The following TMEM243 variants were observed in gnomAD, a reference collection of about 807,000 sequenced individuals.
TMEM243 encodes MDR1 and mitochondrial taxol resistance associated.
TMEM243 carries 20 observed loss-of-function variants against 15.0 expected under a neutral mutation model. That is an observed-to-expected ratio of 1.33 (90% CI 0.94 to 1.93). The LOEUF is 1.93. Ranked by LOEUF, TMEM243 falls within the 30% of genes most tolerant of loss-of-function variation. The pLI, the probability that TMEM243 is intolerant of heterozygous loss-of-function variation, is 0.00. For missense variants in TMEM243, 156 were observed against 142.1 expected (o/e 1.10, Z -0.50); for synonymous variants, 72 against 52.7 (o/e 1.37, Z -1.59).
At chr7:87,198,389 A>G (rs771079666) in intron 2 of TMEM243, 9 of 217,654 alleles carry the variant, frequency 4.1e-5, no homozygotes, top group Admixed American at 5.4e-5. Flanking sequence ...CAAAATGAAT[A>G]TAATCAAAGC....
chr7:87,202,212 TAAG>T (rs974470754), intron 1 of TMEM243, among the ~76,000 whole-genome samples: 11 of 152,244 alleles, frequency 7.2e-5, no homozygotes, highest in African/African-American at 2.4e-4. Flanking sequence ...AGGAGGGCAC[TAAG>T]AAGACAGAAA....
chr7:87,219,249 C>A (rs1421857245), intron 1 of TMEM243, among the ~76,000 whole-genome samples, 177 bp downstream of exon 1: 1 of 152,192 alleles, frequency 6.6e-6, no homozygotes. Flanking sequence ...CCAACCATGT[C>A]CCAAAGCAGG....
At chr7:87,212,522 TTC>T (rs1233064054) in intron 1 of TMEM243, among the ~76,000 whole-genome samples, 3 of 152,200 alleles carry the variant, frequency 2.0e-5, no homozygotes, top group Non-Finnish European at 4.4e-5. Flanking sequence ...GACCATCAGC[TTC>T]TGAGAGACCA....
At chr7:87,202,049 A>C (rs1562878889) in intron 1 of TMEM243, among the ~76,000 whole-genome samples, 1 of 152,208 alleles carries the variant, frequency 6.6e-6, no homozygotes, top group Admixed American at 6.5e-5. Context: ...TTGTGTGCAT[A>C]CATACATGTA....
chr7:87,197,637 G>T, intron 3 of TMEM243: 1 of 1,031,024 alleles, frequency 9.7e-7, no homozygotes, highest in African/African-American at 1.7e-5. Context: ...GTCCTTGAGT[G>T]AAGATGAATT....
chr7:87,219,757 A>T, upstream of TMEM243: 1 of 518,022 alleles, frequency 1.9e-6, no homozygotes, highest in South Asian at 2.5e-5. Flanking sequence ...ACTGCGTGGC[A>T]GACTCTCAGC....
intron 2 of TMEM243, chr7:87,198,788 C>T (rs1253988225): frequency 2.1e-6 from 1 of 468,494 alleles, no homozygotes; most frequent in Non-Finnish European, 3.7e-6. Context: ...ACATGGTAAA[C>T]TCAATTATCT....
intron 2 of TMEM243, chr7:87,198,514 A>T (rs1369722848): frequency 1.2e-5 from 2 of 168,812 alleles, no homozygotes; most frequent in Non-Finnish European, 1.3e-5. Context: ...ATGGAAAAAA[A>T]TTCTCTTAAA....
At chr7:87,219,931 G>T (rs991848689), upstream of TMEM243, among the ~76,000 whole-genome samples, 2 of 152,166 alleles carry the variant, frequency 1.3e-5, no homozygotes, top group African/African-American at 4.8e-5. Flanking sequence ...CCCACACGTC[G>T]CCCCCCATTT....
intron 1 of TMEM243, among the ~76,000 whole-genome samples, chr7:87,200,843 G>A (rs998747876): frequency 6.6e-6 from 1 of 152,154 alleles, no homozygotes; most frequent in African/African-American, 2.4e-5. Flanking sequence ...ACAACCTAGA[G>A]TGCTAGTGCT....
intron 2 of TMEM243, 34 bp downstream of exon 2, chr7:87,198,973 G>T: frequency 1.3e-6 from 2 of 1,558,600 alleles, no homozygotes; most frequent in South Asian, 2.4e-5. Context: ...AACTGGCTAA[G>T]AGCCTGGGTG....
At position 87,196,705 on chromosome 7, in the gene TMEM243, G is replaced by A. The variant is rs765623504; in HGVS notation, c.288C>T (p.Tyr96=). 5.0e-6 allele frequency: 8 copies of A among 1,608,180 alleles called. No individual in the cohort carries two copies. Among genetic ancestry groups the A allele is most frequent in the Non-Finnish European group, 6.8e-6 (8 of 1,176,554 alleles). Residue 96 remains tyrosine (Y), a synonymous_variant, in exon 4 of 4, where the codon TAC becomes TAT. Transcript: ENST00000257637. The stretch of plus-strand genomic sequence containing the variant: ...ACATGATGATAGAAAATATGATATA[G>A]TAAATTAGCTTTCTAAATTTCGGTT... The part of the protein sequence containing the change: ...DLEPKFRKLI[Y]YIIFSIIMLC...
intron 1 of TMEM243, among the ~76,000 whole-genome samples, chr7:87,208,732 T>C (rs1802401635): frequency 6.6e-6 from 1 of 152,250 alleles, no homozygotes; most frequent in Non-Finnish European, 1.5e-5. Context: ...TTCAGCCCAA[T>C]GTTGCACTTT....
chr7:87,209,160 A>G (rs2129230834), intron 1 of TMEM243, among the ~76,000 whole-genome samples: 1 of 152,338 alleles, frequency 6.6e-6, no homozygotes, highest in East Asian at 1.9e-4. Flanking sequence ...ACTACTAGAA[A>G]GAACTACCTG....
chr7:87,198,823 C>G (rs1397375084), intron 2 of TMEM243, 184 bp downstream of exon 2: 1 of 548,404 alleles, frequency 1.8e-6, no homozygotes, highest in Non-Finnish European at 3.2e-6. Context: ...CTGACTTGTA[C>G]CATTTCACAT....
At chr7:87,219,326 G>T in intron 1 of TMEM243, 100 bp downstream of exon 1, 1 of 1,138,022 alleles carries the variant, frequency 8.8e-7, no homozygotes, top group Non-Finnish European at 1.3e-6. Flanking sequence ...CTCCCTAAAA[G>T]TGCTTTTAGG....
At chr7:87,209,770 G>A (rs1201394771) in intron 1 of TMEM243, among the ~76,000 whole-genome samples, 5 of 130,352 alleles carry the variant, frequency 3.8e-5, no homozygotes, top group Admixed American at 1.5e-4. Flanking sequence ...CAGTGAGAGC[G>A]AGACAGAGCG....
chr7:87,207,879 G>A (rs1030478365), intron 1 of TMEM243, among the ~76,000 whole-genome samples: 3 of 152,104 alleles, frequency 2.0e-5, no homozygotes, highest in Non-Finnish European at 4.4e-5. Context: ...CTACCCCTGG[G>A]AAGCTGTTCC....
At chr7:87,213,895 C>A (rs6978590) in intron 1 of TMEM243, among the ~76,000 whole-genome samples, 113,506 of 151,908 alleles carry the variant, frequency 0.75, 42,621 homozygotes, top group Middle Eastern at 0.87. Context: ...GCCTCCCTCT[C>A]ACTATGGTAT....
Sources: allele counts gnomAD v4.1 joint callset (sites outside exome capture counted in the v4.1 genomes callset), GRCh38; gene constraint gnomAD v4.1.1; transcripts MANE v1.5; gene names NCBI Gene and HGNC (gene_info 2026-07-23, HGNC 2026-07-21).